Variants in RABGGTB observed in about 807,000 individuals in gnomAD.
The protein encoded by RABGGTB is Rab geranylgeranyltransferase subunit beta.
RABGGTB carries 20 observed loss-of-function variants against 44.5 expected under a neutral mutation model. The ratio of observed to expected loss-of-function variants is 0.45; its 90% CI spans 0.32 to 0.65. The LOEUF is 0.65. RABGGTB is among the 30% of genes least tolerant of loss of function. RABGGTB has a pLI of 0.05. For synonymous variants in RABGGTB, 128 were observed against 136.7 expected (o/e 0.94, Z 0.44); for missense variants, 302 against 398.7 (o/e 0.76, Z 2.06).
At chr1:75,792,784 G>T (rs1164462213) in intron 7 of RABGGTB, among the ~76,000 whole-genome samples, 2 of 152,156 alleles carry the variant, frequency 1.3e-5, no homozygotes, top group Non-Finnish European at 2.9e-5. Context: ...GGTAAGAAAT[G>T]AATGAGTATG....
At chr1:75,793,624 G>A (rs1649700285) in intron 7 of RABGGTB, 1 of 152,934 alleles carries the variant, frequency 6.5e-6, no homozygotes, top group African/African-American at 2.4e-5. Context: ...CCTTGAGTGG[G>A]GTTTTCTTTA....
chr1:75,792,833 T>C (rs1146639), intron 7 of RABGGTB, among the ~76,000 whole-genome samples: 102,602 of 152,022 alleles, frequency 0.67, 37,191 homozygotes, highest in African/African-American at 0.91. Flanking sequence ...TGGATATACT[T>C]GTATTTCCTA....
upstream of RABGGTB, chr1:75,786,234 C>A (rs199994413): frequency 6.2e-7 from 1 of 1,613,856 alleles, no homozygotes. Context: ...CTAAGTCTAC[C>A]CAGGAACTGA....
At chr1:75,787,791 G>T (rs780979051) in intron 2 of RABGGTB, 187 bp downstream of exon 2, 5 of 667,918 alleles carry the variant, frequency 7.5e-6, no homozygotes, top group African/African-American at 1.8e-5. Flanking sequence ...TAGAATCTCA[G>T]TTTTTACCTA....
chr1:75,791,116 A>G (rs979402943), intron 4 of RABGGTB, among the ~76,000 whole-genome samples, 169 bp from the exon 5 acceptor site: 3 of 152,118 alleles, frequency 2.0e-5, no homozygotes, highest in Admixed American at 2.0e-4. Flanking sequence ...TGACAAAGGA[A>G]TTTTCTTGGG....
Position 75,787,515 on chromosome 1 carries a change from G to GTTAT in RABGGTB, c.24_27dup (p.Ile10TyrfsTer28). On this transcript the variant is annotated frameshift_variant, in exon 2 of 9. Transcript: ENST00000319942. LOFTEE classifies it high-confidence loss of function. ...TTGAAAGGGCACTCCACAGAAGGAT[G>GTTAT]TTATTATCAAGTCAGATGCACCGGA... The GTTAT allele has an allele frequency of 6.2e-7, 1 of 1,613,754 alleles. No homozygotes were observed. Among genetic ancestry groups the GTTAT allele is most frequent in the Non-Finnish European group, 8.5e-7 (1 of 1,179,684 alleles).
intron 2 of RABGGTB, 165 bp downstream of exon 2, chr1:75,787,769 C>A: frequency 1.5e-6 from 1 of 670,922 alleles, no homozygotes; most frequent in Admixed American, 2.4e-5. Context: ...ACGTCTGAGG[C>A]TGTGGGCTTA....
At chr1:75,787,901 G>A in intron 2 of RABGGTB, 1 of 613,446 alleles carries the variant, frequency 1.6e-6, no homozygotes, top group South Asian at 1.4e-5. Flanking sequence ...TCAATGATGT[G>A]TTGGCATGTA....
At chr1:75,792,140 A>G (rs932269479) in intron 6 of RABGGTB, 41 bp from the exon 7 acceptor site, 2 of 1,537,636 alleles carry the variant, frequency 1.3e-6, no homozygotes, top group Non-Finnish European at 1.8e-6. Flanking sequence ...TTTAATGTCA[A>G]GAAATTATTA....
chr1:75,790,352 A>G, intron 4 of RABGGTB: 1 of 1,155,078 alleles, frequency 8.7e-7, no homozygotes, highest in Non-Finnish European at 1.0e-6. Context: ...AGGGAAAAAT[A>G]TTTAAAAAAA....
Position 75,794,125 on chromosome 1 carries a change from A to G in RABGGTB, c.747A>G (p.Leu249=), listed in dbSNP as rs763206015. 1.9e-6 allele frequency: 3 copies of G among 1,613,838 alleles called. No individual in the cohort carries two copies. The highest frequency in any genetic ancestry group is 2.5e-6 in the Non-Finnish European group (3 of 1,179,816). The change falls in exon 8 of 9, where the codon CTA becomes CTG. Residue 249 remains leucine (L), a synonymous_variant. Transcript: ENST00000319942. ...ACTCATGGTGGGTCCTGGCTTCCCT[A>G]AAGATAATTGGAAGACTTCATTGGA... ...VCYSWWVLAS[L]KIIGRLHWID... is the part of the protein sequence containing the mutation.
Position 75,789,312 on chromosome 1 carries a change from A to G in RABGGTB, c.265A>G (p.Ile89Val). Reference protein sequence around the residue: ...QHECGGISASIGHDPHLLYTL... With the variant: ...QHECGGISASVGHDPHLLYTL... The stretch of plus-strand genomic sequence containing the variant: ...TGAATGTGGTGGAATAAGTGCTAGT[A>G]TCGGACATGATCCTCATCTTTTATA... Residue 89 changes from isoleucine to valine, a missense_variant, in exon 3 of 9, where the codon ATC (isoleucine) becomes GTC (valine). Physicochemically the swap from Ile to Val is conservative, Grantham distance 29. This residue lies in a region of RABGGTB where 213 missense variants were observed against 323.7 expected (regional missense o/e 0.66). Coordinates refer to ENST00000319942, the MANE Select transcript of RABGGTB (RefSeq NM_004582.4). 6.2e-7 allele frequency: 1 copy of G among 1,614,148 alleles called. No individual in the cohort carries two copies. The highest frequency in any genetic ancestry group is 1.3e-5 in the African/African-American group (1 of 75,058).
rs1649716755 is a variant in RABGGTB at position 75,794,253 on chromosome 1, T to C, written c.855+20T>C. The C allele has an allele frequency of 6.3e-7, 1 of 1,582,162 alleles. No individual in the cohort carries two copies. The highest frequency in any genetic ancestry group is 8.6e-7 in the Non-Finnish European group (1 of 1,162,260). ...GATATGGCAAGTAATATTTCTGACA[T>C]ATTTCTATAAATTATTTCAGCGTTT... is the stretch of plus-strand genomic sequence containing the variant. On this transcript the variant is annotated intron_variant, in intron 8 of 8. Coordinates refer to ENST00000319942, the MANE Select transcript of RABGGTB (RefSeq NM_004582.4).
chr1:75,786,983 G>T (rs754315569), intron 1 of RABGGTB: 26 of 445,710 alleles, frequency 5.8e-5, no homozygotes, highest in Non-Finnish European at 1.1e-4. Flanking sequence ...GTCCTGAAAT[G>T]ATAAGCTTTG....
intron 2 of RABGGTB, 87 bp from the exon 3 acceptor site, chr1:75,789,072 T>C (rs1649579067): frequency 7.3e-6 from 9 of 1,232,150 alleles, no homozygotes; most frequent in Non-Finnish European, 1.1e-5. Context: ...AATAGCAGCA[T>C]GGCTAATGAG....
intron 4 of RABGGTB, 119 bp downstream of exon 4, chr1:75,790,176 T>C (rs1570929426): frequency 1.3e-6 from 2 of 1,498,940 alleles, no homozygotes; most frequent in East Asian, 2.4e-5. Context: ...CTGGTCTAAC[T>C]GGAGTTAATG....
rs752271091 is a variant in RABGGTB at position 75,789,568 on chromosome 1, T to C, written c.309+212T>C. 8 of 756,554 alleles carry C rather than the reference T, an allele frequency of 1.1e-5. No homozygotes were observed. In the South Asian group the frequency reaches 1.1e-4, roughly 10 times the overall value. The allele number at this position is 756,554 out of a possible 1,614,324, so 46.9% of individuals were successfully genotyped here. A position where few individuals can be genotyped will look rare whatever the true frequency, so the allele number is the denominator to read the frequency against. On this transcript the variant is annotated intron_variant, in intron 3 of 8. Transcript: ENST00000319942. ...GACCTTGGAGGGTAAAATTTTTATC[T>C]TCAGTATGTGTAAATACTGTAAAAT...
At chr1:75,793,900 C>T in intron 7 of RABGGTB, 184 bp from the exon 8 acceptor site, 1 of 546,948 alleles carries the variant, frequency 1.8e-6, no homozygotes. Context: ...AATTGATTAT[C>T]TTTCATTCTA....
At chr1:75,791,392 T>G (rs1649641902) in intron 5 of RABGGTB, 55 bp downstream of exon 5, 1 of 1,578,730 alleles carries the variant, frequency 6.3e-7, no homozygotes, top group Admixed American at 1.8e-5. Flanking sequence ...CTCTGGAATT[T>G]TTTTTTTTTT....
Sources: gnomAD v4.1 joint callset for allele counts (sites outside exome capture counted in the v4.1 genomes callset) on GRCh38, gnomAD v4.1.1 for gene constraint, gnomAD v4.1.1 regional missense constraint, MANE v1.5 for transcripts, NCBI Gene and HGNC (gene_info 2026-07-23, HGNC 2026-07-21) for gene names.